ZFAT: variants seen among roughly 807,000 people sequenced by gnomAD.
The protein encoded by ZFAT is zinc finger protein ZFAT.
Under a neutral mutation model 117.7 loss-of-function variants are expected in ZFAT, and 64 were observed. The observed-to-expected ratio is 0.54, with a 90% CI of 0.44 to 0.67. The LOEUF (loss-of-function observed/expected upper bound fraction) is 0.67, where lower values mean the gene tolerates loss of function less well. Among genes scored for constraint, ZFAT ranks in the 30% least tolerant of loss-of-function variants. The pLI, the probability that ZFAT is intolerant of heterozygous loss-of-function variation, is 0.00. For missense variants in ZFAT, 1,433 were observed against 1,584.5 expected (o/e 0.90, Z 1.62); for synonymous variants, 679 against 615.0 (o/e 1.10, Z -1.54).
chr8:134,716,172 C>T (rs941088494), upstream of ZFAT, among the ~76,000 whole-genome samples: 1 of 132,458 alleles, frequency 7.5e-6, no homozygotes, highest in Non-Finnish European at 1.7e-5. Flanking sequence ...TATATATGCA[C>T]ACACACACAC....
At chr8:134,759,715 C>T in the ZFAT span, among the ~76,000 whole-genome samples, 2 of 151,950 alleles carry the variant, frequency 1.3e-5, no homozygotes, top group African/African-American at 4.8e-5. Flanking sequence ...ATGGCTTATG[C>T]CTATAATCCC....
chr8:134,678,606 A>G (rs1832918399), intron 1 of ZFAT, among the ~76,000 whole-genome samples: 2 of 152,214 alleles, frequency 1.3e-5, no homozygotes, highest in Non-Finnish European at 1.5e-5. Context: ...ATGGAACCAA[A>G]TAAAGAAACC....
chr8:134,795,258 A>G, the ZFAT span: 1 of 152,196 alleles, frequency 6.6e-6, no homozygotes. Context: ...GAAAGATCAA[A>G]GCATGATGAG....
At chr8:134,737,530 G>C in the ZFAT span, among the ~76,000 whole-genome samples, 4 of 152,162 alleles carry the variant, frequency 2.6e-5, no homozygotes, top group African/African-American at 7.2e-5. Context: ...ACAAAAAGTG[G>C]GGAAGGTCAA....
At chr8:134,510,461 C>T (rs1246071960) in intron 14 of ZFAT, among the ~76,000 whole-genome samples, 2 of 152,138 alleles carry the variant, frequency 1.3e-5, no homozygotes, top group Non-Finnish European at 2.9e-5. Context: ...CATTTTCATC[C>T]TCATGGGCAG....
At chr8:134,624,588 TG>T (rs1244662849) in intron 3 of ZFAT, among the ~76,000 whole-genome samples, 1 of 151,858 alleles carries the variant, frequency 6.6e-6, no homozygotes, top group Non-Finnish European at 1.5e-5. Flanking sequence ...ACCCAGGAGG[TG>T]GAGGTTGCAA....
chr8:134,715,740 T>C (rs908058845), upstream of ZFAT, among the ~76,000 whole-genome samples: 13 of 152,232 alleles, frequency 8.5e-5, no homozygotes, highest in African/African-American at 2.9e-4. Flanking sequence ...GAAGCTAGTA[T>C]GTGAATTAAT....
At chr8:134,568,932 C>A (rs1485803564) in intron 10 of ZFAT, among the ~76,000 whole-genome samples, 2 of 152,156 alleles carry the variant, frequency 1.3e-5, no homozygotes, top group Non-Finnish European at 2.9e-5. Context: ...AACTGCAAAA[C>A]CTAGTATTTA....
intron 3 of ZFAT, among the ~76,000 whole-genome samples, chr8:134,612,476 G>C (rs1235053986): frequency 6.6e-6 from 1 of 152,202 alleles, no homozygotes; most frequent in Non-Finnish European, 1.5e-5. Flanking sequence ...TCTTTCTTAG[G>C]GAGGCAGGCT....
rs533090766 is a variant in ZFAT at position 134,596,594 on chromosome 8, C to A, written c.2475+3842G>T. The stretch of plus-strand genomic sequence containing the variant: ...ATTTCACAAAGAATTAGATTGAATC[C>A]TGTGGATTTAAAACACTCTGTAGTT... On this transcript the variant is annotated intron_variant, in intron 7 of 15. Coordinates refer to ENST00000377838, the MANE Select transcript of ZFAT (RefSeq NM_020863.4). Among the ~76,000 whole-genome samples, 3 of 152,244 alleles carry A rather than the reference C, an allele frequency of 2.0e-5. No individual in the cohort carries two copies. In the South Asian group the frequency reaches 6.2e-4, roughly 32 times the overall value.
intron 15 of ZFAT, among the ~76,000 whole-genome samples, chr8:134,501,846 A>G (rs937965306): frequency 2.0e-5 from 3 of 152,192 alleles, no homozygotes. Flanking sequence ...TCGAGCTTAG[A>G]GGGTAACAGA....
At chr8:134,830,270 G>A in the ZFAT span, among the ~76,000 whole-genome samples, 1 of 152,234 alleles carries the variant, frequency 6.6e-6, no homozygotes, top group Non-Finnish European at 1.5e-5. Context: ...CTACAGGACT[G>A]TATACAGACA....
chr8:134,520,903 C>T lies in ZFAT; in HGVS notation c.3214G>A (p.Asp1072Asn). ...ATTACCTCCCACTTGGGGTCTCCAT[C>T]AATTTCCACCACCTTCAAGCCATGT... Reference protein sequence around the residue: ...NKHGLKVVEIDGDPKWETATE... With the variant: ...NKHGLKVVEINGDPKWETATE... The change falls in exon 13 of 16, where the codon GAT (aspartate) becomes AAT (asparagine). Residue 1072 changes from aspartate to asparagine, a missense_variant. Around this residue, in one of 5 missense-constraint regions of ZFAT, gnomAD observed 503 missense variants for 543.4 expected, o/e 0.93. Transcript: ENST00000377838. The T allele has an allele frequency of 6.2e-7, 1 of 1,613,908 alleles. No homozygotes were observed. Among genetic ancestry groups the T allele is most frequent in the Non-Finnish European group, 8.5e-7 (1 of 1,179,838 alleles).
At chr8:134,820,081 T>G in the ZFAT span, among the ~76,000 whole-genome samples, 1 of 152,224 alleles carries the variant, frequency 6.6e-6, no homozygotes, top group African/African-American at 2.4e-5. Context: ...AAATGCTGAT[T>G]AATAGATTTA....
chr8:134,711,089 G>A (rs1463955227), intron 1 of ZFAT, among the ~76,000 whole-genome samples: 1 of 152,236 alleles, frequency 6.6e-6, no homozygotes, highest in African/African-American at 2.4e-5. Flanking sequence ...TTCTTTCTGA[G>A]TGTTAACAGC....
At chr8:134,700,580 C>G (rs967240056) in intron 1 of ZFAT, among the ~76,000 whole-genome samples, 1 of 152,218 alleles carries the variant, frequency 6.6e-6, no homozygotes, top group Non-Finnish European at 1.5e-5. Context: ...AGAATGCACA[C>G]GGACCTGGAA....
At chr8:134,639,654 T>C (rs1368976972) in intron 2 of ZFAT, 2 of 456,000 alleles carry the variant, frequency 4.4e-6, no homozygotes, top group African/African-American at 4.0e-5. Flanking sequence ...ACCATTTCCC[T>C]TGGAGTCTTT....
At chr8:134,687,520 T>G (rs1273399046) in intron 1 of ZFAT, among the ~76,000 whole-genome samples, 1 of 152,208 alleles carries the variant, frequency 6.6e-6, no homozygotes, top group Non-Finnish European at 1.5e-5. Flanking sequence ...AGCTTTAAAA[T>G]GTGGCCCTCA....
At chr8:134,621,201 T>C (rs531012545) in intron 3 of ZFAT, among the ~76,000 whole-genome samples, 1 of 150,090 alleles carries the variant, frequency 6.7e-6, no homozygotes, top group African/African-American at 2.5e-5. Context: ...GGCCCTACCC[T>C]GGGTAAGCCA....
Sources: gnomAD v4.1 joint callset for allele counts (sites outside exome capture counted in the v4.1 genomes callset) on GRCh38, gnomAD v4.1.1 for gene constraint, gnomAD v4.1.1 regional missense constraint, MANE v1.5 for transcripts, NCBI Gene and HGNC (gene_info 2026-07-23, HGNC 2026-07-21) for gene names.